PAXIP1: variants seen among roughly 807,000 people sequenced by gnomAD.
PAXIP1 encodes the protein PAX interacting protein 1.
A neutral mutation model predicts 140.6 loss-of-function variants in PAXIP1; 19 were observed. That is an observed-to-expected ratio of 0.14 (90% confidence interval 0.09 to 0.20). The LOEUF is 0.20. Among genes scored for constraint, PAXIP1 ranks in the 10% least tolerant of loss-of-function variants. The probability of loss-of-function intolerance (pLI) is 1.00; values close to 1 mark genes in which losing one functional copy is unlikely to be tolerated. For synonymous variants in PAXIP1, 442 were observed against 444.6 expected (o/e 0.99, Z 0.07); for missense variants, 920 against 1,208.6 (o/e 0.76, Z 3.54).
rs1809422625 is a variant in PAXIP1, at chr7:154,973,391, A to T, written c.1074+2305T>A. Among the ~76,000 whole-genome samples the T allele has an allele frequency of 6.6e-6, 1 of 152,192 alleles. No individual in the cohort carries two copies. Among genetic ancestry groups the T allele is most frequent in the Admixed American group, 6.5e-5 (1 of 15,282 alleles). Reference sequence around the variant, plus strand: ...TTGAGGAAGGCCAGCTCGGCATTTTATCAGGCATCCACCTCTCAAGCCAGA... The same window carrying T: ...TTGAGGAAGGCCAGCTCGGCATTTTTTCAGGCATCCACCTCTCAAGCCAGA... On this transcript the variant is annotated intron_variant, in intron 6 of 20. Transcript: ENST00000404141. This position sits in a 1 kb window ranked among gnomAD's most constrained non-coding sequence, Gnocchi z 4.0.
At chr7:154,945,071 C>G (rs1216669449) in intron 20 of PAXIP1, 2 of 151,538 alleles carry the variant, frequency 1.3e-5, no homozygotes, top group Non-Finnish European at 1.5e-5. Context: ...CACTGCAACC[C>G]CTGCCTCCCA....
In PAXIP1 at chr7:154,975,841, C is replaced by T. The variant is rs1372714347; in HGVS notation, c.929G>A (p.Gly310Asp). 1 of 1,613,942 alleles carries T rather than the reference C, an allele frequency of 6.2e-7. No individual in the cohort carries two copies. Among genetic ancestry groups the T allele is most frequent in the African/African-American group, 1.3e-5 (1 of 74,996 alleles). ...PGNILPPEVR[G>D]NLMAAGQNLQ... ...GTTTTGTCCAGCAGCCATTAAATTACCCCGGACCTCAGGGGGCAAAATGTT... is the reference window on the plus strand; with the variant it reads ...GTTTTGTCCAGCAGCCATTAAATTATCCCGGACCTCAGGGGGCAAAATGTT... The change falls in exon 6 of 21, where the codon GGT becomes GAT. Residue 310 changes from glycine to aspartate, a missense_variant. Gly to Asp is a moderately conservative substitution (Grantham distance 94). Around this residue, in one of 5 missense-constraint regions of PAXIP1, gnomAD observed 419 missense variants for 514.7 expected, o/e 0.81. Transcript: ENST00000404141.
chr7:154,976,052 T>C lies in PAXIP1; in HGVS notation c.718A>G (p.Thr240Ala), dbSNP rs754312945. 4 of 1,600,044 alleles carry C rather than the reference T, an allele frequency of 2.5e-6. No individual in the cohort carries two copies. The highest frequency in any genetic ancestry group is 2.6e-6 in the Non-Finnish European group (3 of 1,172,184). ...ATTAATTCCCCTTTAGATTTTTCAG[T>C]GTTGGATTTAGGTGAAAACTGCTGG... ...GDQQFSPKSN[T>A]EKSKGELMFD... is the part of the protein sequence containing the mutation. Residue 240 changes from threonine (T) to alanine (A), a missense_variant, in exon 6 of 21, where the codon ACT becomes GCT. Coordinates refer to ENST00000404141, the MANE Select transcript of PAXIP1 (RefSeq NM_007349.4).
rs1293076703 is a variant in PAXIP1 at position 154,967,603 on chromosome 7, A to G, written c.1893+213T>C. The stretch of plus-strand genomic sequence containing the variant: ...GGAATTTCCAAGCTGAAAAAAATAA[A>G]AAGTCCACCATCTTCATCTAACAGC... On this transcript the variant is annotated intron_variant, in intron 8 of 20. Coordinates refer to ENST00000404141, the MANE Select transcript of PAXIP1 (RefSeq NM_007349.4). The G allele has an allele frequency of 9.0e-5, 47 of 522,596 alleles. 1 individual carries two copies. The South Asian group carries it at 1.2e-3, about 14-fold the overall frequency. The allele number at this position is 522,596 out of a possible 1,614,324, so 32.4% of individuals were successfully genotyped here.
At chr7:154,957,369 G>C in intron 13 of PAXIP1, 75 bp from the exon 14 acceptor site, 1 of 751,744 alleles carries the variant, frequency 1.3e-6, no homozygotes, top group South Asian at 1.8e-5. Context: ...AGATTTATGT[G>C]TCAAATAATC....
At chr7:154,948,080 C>T (rs573350645) in intron 16 of PAXIP1, 77 bp from the exon 17 acceptor site, 1 of 927,036 alleles carries the variant, frequency 1.1e-6, no homozygotes, top group East Asian at 2.4e-5. Flanking sequence ...AAAATTCTCG[C>T]CCATATTCAG....
intron 1 of PAXIP1, among the ~76,000 whole-genome samples, chr7:154,999,584 G>C (rs1288589733): frequency 6.6e-6 from 1 of 152,210 alleles, no homozygotes; most frequent in Non-Finnish European, 1.5e-5. Context: ...GAATCGGCAA[G>C]CCTTGGTGTC....
At chr7:154,992,029 G>A (rs914255099) in intron 3 of PAXIP1, among the ~76,000 whole-genome samples, 3 of 152,082 alleles carry the variant, frequency 2.0e-5, no homozygotes, top group African/African-American at 7.2e-5. Context: ...CCCCATTATC[G>A]AAGATCTGTT....
chr7:154,962,095 G>C (rs1461207415), intron 10 of PAXIP1, among the ~76,000 whole-genome samples: 2 of 152,208 alleles, frequency 1.3e-5, no homozygotes, highest in Admixed American at 6.5e-5. Context: ...TCAAAGACTG[G>C]AGAATCCATT....
chr7:154,976,401 T>G, intron 5 of PAXIP1, 70 bp from the exon 6 acceptor site: 1 of 1,508,650 alleles, frequency 6.6e-7, no homozygotes, highest in Admixed American at 2.3e-5. Context: ...AATTACGCAT[T>G]TTAGAAAAAA....
Position 154,983,309 on chromosome 7 carries a change from G to A in PAXIP1, c.348C>T (p.Ala116=). ...LSQVSSEDRS[A]LWALVTFYGG... ...CATAGAACGTAACCAAAGCCCACAG[G>A]GCACTTCTGTCTTCAGATGACACCT... The change falls in exon 5 of 21, where the codon GCC becomes GCT. Residue 116 remains alanine, a synonymous_variant. Coordinates refer to ENST00000404141, the MANE Select transcript of PAXIP1 (RefSeq NM_007349.4). 5 of 1,607,312 alleles carry A rather than the reference G, an allele frequency of 3.1e-6. No individual in the cohort carries two copies. The highest frequency in any genetic ancestry group is 4.3e-6 in the Non-Finnish European group (5 of 1,174,608).
chr7:154,998,540 A>G (rs1239650439), intron 2 of PAXIP1, 110 bp downstream of exon 2: 1 of 584,234 alleles, frequency 1.7e-6, no homozygotes, highest in African/African-American at 1.9e-5. Context: ...TAAAAATAAA[A>G]TAAAACAGGA....
At position 154,993,785 on chromosome 7, in the gene PAXIP1, T is replaced by C. The variant is rs762402009; in HGVS notation, c.217-16A>G. The stretch of plus-strand genomic sequence containing the variant: ...CCCAAGAAGGCTGAAAAAGAAAAGA[T>C]TAAATCAAAAAGTATTCTCAATTTA... On this transcript the variant is annotated splice_polypyrimidine_tract_variant and intron_variant, in intron 2 of 20. Transcript: ENST00000404141. 11 of 1,563,642 alleles carry C rather than the reference T, an allele frequency of 7.0e-6. No homozygotes were observed. The highest frequency in any genetic ancestry group is 9.5e-6 in the Non-Finnish European group (11 of 1,154,026).
chr7:154,962,425 G>A lies in PAXIP1; in HGVS notation c.2023C>T (p.His675Tyr). 6.2e-7 allele frequency: 1 copy of A among 1,613,312 alleles called. No homozygotes were observed. The highest frequency in any genetic ancestry group is 8.5e-7 in the Non-Finnish European group (1 of 1,179,286). ...IRERKRCVTAHWLNTVLKKKK... is the reference protein window; with the variant it reads ...IRERKRCVTAYWLNTVLKKKK... Reference sequence around the variant, plus strand: ...TTCTTTAAGACTGTGTTTAACCAGTGTGCAGTAACACATCTCTTTCTTTCT... The same window carrying A: ...TTCTTTAAGACTGTGTTTAACCAGTATGCAGTAACACATCTCTTTCTTTCT... Residue 675 changes from histidine (H) to tyrosine (Y), a missense_variant, in exon 10 of 21, where the codon CAC (histidine) becomes TAC (tyrosine). His to Tyr is a moderately conservative substitution (Grantham distance 83). Transcript: ENST00000404141.
At chr7:154,969,495 C>A (rs1369635556) in intron 6 of PAXIP1, among the ~76,000 whole-genome samples, 1 of 152,232 alleles carries the variant, frequency 6.6e-6, no homozygotes. Context: ...GCTGCGGCAC[C>A]ACTCCACTGC....
At chr7:154,987,645 A>G (rs533347607) in intron 4 of PAXIP1, among the ~76,000 whole-genome samples, 4 of 152,286 alleles carry the variant, frequency 2.6e-5, no homozygotes, top group South Asian at 2.1e-4. Flanking sequence ...CCCCTCGCCA[A>G]TCAGGCTCCT....
rs1809165084 is a variant in PAXIP1 at position 154,968,920 on chromosome 7, G to GT, written c.1280_1281insA (p.Gln428ProfsTer168). On this transcript the variant is annotated frameshift_variant, in exon 7 of 21. Coordinates refer to ENST00000404141, the MANE Select transcript of PAXIP1 (RefSeq NM_007349.4). LOFTEE classifies it high-confidence loss of function. ...AGATCTGCTGCTGCTGCTGCTGCTG[G>GT]AGCTGCATTATCTGCTGGGGCTGAA... 6 of 1,328,446 alleles carry GT rather than the reference G, an allele frequency of 4.5e-6. No homozygotes were observed. In the African/African-American group the frequency reaches 8.8e-5, roughly 19 times the overall value. 82.3% of individuals were successfully genotyped at this position (1,328,446 alleles called of 1,614,324 possible).
chr7:154,990,919 A>G, intron 4 of PAXIP1, 87 bp downstream of exon 4: 1 of 707,888 alleles, frequency 1.4e-6, no homozygotes, highest in Non-Finnish European at 2.4e-6. Context: ...CTTCTCTAAA[A>G]CTGGTTAACA....
rs2150752859 is a variant in PAXIP1 at position 154,963,962 on chromosome 7, C to T, written c.1894-196G>A. ...CATACAATGAAAATGAACTCCAATA[C>T]TCTAAATTTAATCTGAATTCCCAGG... On this transcript the variant is annotated intron_variant, in intron 8 of 20. Coordinates refer to ENST00000404141, the MANE Select transcript of PAXIP1 (RefSeq NM_007349.4). This position sits in a 1 kb window ranked among gnomAD's most constrained non-coding sequence, Gnocchi z 4.1. 1 of 550,822 alleles carries T rather than the reference C, an allele frequency of 1.8e-6. No homozygotes were observed. The highest frequency in any genetic ancestry group is 3.3e-6 in the Non-Finnish European group (1 of 305,604). 34.1% of individuals were successfully genotyped at this position (550,822 alleles called of 1,614,324 possible). A position where few individuals can be genotyped will look rare whatever the true frequency, so the allele number is the denominator to read the frequency against.
Sources: gnomAD v4.1 joint callset for allele counts (sites outside exome capture counted in the v4.1 genomes callset) on GRCh38, gnomAD v4.1.1 for gene constraint, gnomAD v4.1.1 regional missense constraint, Gnocchi (gnomAD v3.1) non-coding constraint, MANE v1.5 for transcripts, NCBI Gene and HGNC (gene_info 2026-07-23, HGNC 2026-07-21) for gene names.